Variants in AGBL1 observed in about 807,000 individuals in gnomAD.
AGBL1 encodes AGBL carboxypeptidase 1.
A neutral mutation model predicts 118.9 loss-of-function variants in AGBL1; 130 were observed. The observed-to-expected ratio is 1.09, with a 90% confidence interval of 0.95 to 1.26. The LOEUF (loss-of-function observed/expected upper bound fraction) is 1.26. Ranked by LOEUF, AGBL1 falls within the 50% of genes most tolerant of loss-of-function variation. The pLI, the probability that AGBL1 is intolerant of heterozygous loss-of-function variation, is 0.00. For missense variants in AGBL1, 1,584 were observed against 1,298.1 expected (o/e 1.22, Z -3.38); for synonymous variants, 555 against 478.9 (o/e 1.16, Z -2.08).
chr15:86,980,243 A>G (rs553906250), intron 23 of AGBL1, among the ~76,000 whole-genome samples: 35 of 152,184 alleles, frequency 2.3e-4, no homozygotes, highest in Non-Finnish European at 4.7e-4. Context: ...CAAGAATTTC[A>G]CCACCTGTTT....
At chr15:86,474,311 A>G (rs1356163761) in intron 18 of AGBL1, among the ~76,000 whole-genome samples, 1 of 152,176 alleles carries the variant, frequency 6.6e-6, no homozygotes, top group Non-Finnish European at 1.5e-5. Context: ...GGGGTCAAGG[A>G]ATTCCCTTTC....
At chr15:86,951,676 C>G (rs780547534) in intron 23 of AGBL1, among the ~76,000 whole-genome samples, 1 of 152,134 alleles carries the variant, frequency 6.6e-6, no homozygotes. Flanking sequence ...CAAAGGGAAA[C>G]TTTTGGAATG....
rs548624075 is a variant in AGBL1, at chr15:86,584,810, A to T, written c.2994+30273A>T. On this transcript the variant is annotated intron_variant, in intron 21 of 22. Transcript: ENST00000614907. Reference sequence around the variant, plus strand: ...TTAACAATATTGATTCTTCCAATCCATGAGTATGGAATGTTTTCCCATTTG... The same window carrying T: ...TTAACAATATTGATTCTTCCAATCCTTGAGTATGGAATGTTTTCCCATTTG... Among the ~76,000 whole-genome samples, 115 of 152,314 alleles carry T rather than the reference A, an allele frequency of 7.6e-4. 1 individual carries two copies. The highest frequency in any genetic ancestry group is 1.5e-3 in the Non-Finnish European group (104 of 68,022).
chr15:86,982,401 A>G (rs1481925999), intron 23 of AGBL1, among the ~76,000 whole-genome samples: 4 of 137,828 alleles, frequency 2.9e-5, no homozygotes, highest in African/African-American at 1.1e-4. Flanking sequence ...ATTTTCTTTT[A>G]TCTTGTTTTT....
intron 23 of AGBL1, among the ~76,000 whole-genome samples, chr15:86,929,556 CT>C (rs1036201041): frequency 6.6e-5 from 10 of 151,988 alleles, no homozygotes; most frequent in Admixed American, 3.9e-4. Flanking sequence ...AATACTAATG[CT>C]CTGGAATGAA....
intron 18 of AGBL1, among the ~76,000 whole-genome samples, chr15:86,448,336 T>C (rs1441063215): frequency 2.6e-5 from 4 of 152,074 alleles, no homozygotes; most frequent in African/African-American, 7.2e-5. Context: ...GTAACTCCTG[T>C]GACAAAAGGG....
At chr15:86,978,789 C>A (rs1185454143) in intron 23 of AGBL1, among the ~76,000 whole-genome samples, 1 of 152,124 alleles carries the variant, frequency 6.6e-6, no homozygotes, top group Non-Finnish European at 1.5e-5. Context: ...CTCAGACTGG[C>A]AAGATATGGA....
intron 18 of AGBL1, among the ~76,000 whole-genome samples, chr15:86,421,073 A>G (rs983921472): frequency 6.6e-6 from 1 of 152,194 alleles, no homozygotes; most frequent in Non-Finnish European, 1.5e-5. Context: ...CAACCTAGCA[A>G]AACAGGCCAA....
chr15:86,338,768 T>C (rs1718515397), intron 17 of AGBL1, among the ~76,000 whole-genome samples: 1 of 152,134 alleles, frequency 6.6e-6, no homozygotes, highest in Admixed American at 6.5e-5. Context: ...TAGAGACTGT[T>C]CTCAGTCATC....
At chr15:86,104,437 T>G (rs1896914749) in intron 1 of AGBL1, among the ~76,000 whole-genome samples, 2 of 152,182 alleles carry the variant, frequency 1.3e-5, no homozygotes, top group Non-Finnish European at 2.9e-5. Context: ...TGTCCTCAGG[T>G]CACTTGTAAG....
At chr15:86,894,672 A>G (rs2080097327) in intron 22 of AGBL1, among the ~76,000 whole-genome samples, 1 of 152,208 alleles carries the variant, frequency 6.6e-6, no homozygotes, top group Admixed American at 6.5e-5. Flanking sequence ...GCACAAAGGC[A>G]GTACAAGGAG....
At chr15:86,746,868 C>A (rs2077764229) in intron 22 of AGBL1, among the ~76,000 whole-genome samples, 1 of 152,014 alleles carries the variant, frequency 6.6e-6, no homozygotes, top group Admixed American at 6.6e-5. Context: ...GATAAATATT[C>A]TATGTAAACA....
intron 5 of AGBL1, among the ~76,000 whole-genome samples, chr15:86,219,123 C>G (rs554040523): frequency 2.0e-5 from 3 of 152,174 alleles, no homozygotes; most frequent in Non-Finnish European, 4.4e-5. Context: ...TCCATGTACC[C>G]AGGGATAGGA....
chr15:86,888,258 G>A lies in AGBL1; in HGVS notation c.3159-18829G>A, dbSNP rs562276977. Reference sequence around the variant, plus strand: ...CCCGGTGATGGGTCTGATTGTATCAGAAGTGACCTGGCCAGCACCACTCAC... The same window carrying A: ...CCCGGTGATGGGTCTGATTGTATCAAAAGTGACCTGGCCAGCACCACTCAC... On this transcript the variant is annotated intron_variant, in intron 22 of 22. Transcript: ENST00000614907. 7.2e-5 allele frequency among the ~76,000 whole-genome samples: 11 copies of A among 151,912 alleles called. No individual in the cohort carries two copies. In the South Asian group the frequency reaches 2.3e-3, roughly 32 times the overall value.
At chr15:86,653,899 C>A (rs1267123049) in intron 21 of AGBL1, among the ~76,000 whole-genome samples, 1 of 152,010 alleles carries the variant, frequency 6.6e-6, no homozygotes, top group Non-Finnish European at 1.5e-5. Flanking sequence ...AGTGTGTTTT[C>A]CAACTCTCAA....
chr15:86,429,371 A>G (rs188939552), intron 18 of AGBL1, among the ~76,000 whole-genome samples: 18 of 152,364 alleles, frequency 1.2e-4, no homozygotes, highest in Admixed American at 5.9e-4. Context: ...ACTCCACCTT[A>G]GCAACATGGA....
chr15:86,371,885 G>A (rs2080976344), intron 17 of AGBL1, among the ~76,000 whole-genome samples: 1 of 152,196 alleles, frequency 6.6e-6, no homozygotes, highest in Admixed American at 6.5e-5. Context: ...GCTTGTAGGG[G>A]GGAGGTGAGG....
At chr15:86,904,554 T>A (rs1173728741) in intron 22 of AGBL1, among the ~76,000 whole-genome samples, 1 of 148,112 alleles carries the variant, frequency 6.8e-6, no homozygotes, top group African/African-American at 2.4e-5. Context: ...TATAACATAT[T>A]ATGTTACATA....
intron 18 of AGBL1, among the ~76,000 whole-genome samples, chr15:86,433,182 A>C (rs1442660464): frequency 2.0e-5 from 3 of 150,556 alleles, no homozygotes; most frequent in Non-Finnish European, 4.4e-5. Flanking sequence ...GTCTGAATAA[A>C]TTCCTAGAAG....
Sources: allele counts gnomAD v4.1 joint callset (sites outside exome capture counted in the v4.1 genomes callset), GRCh38; gene constraint gnomAD v4.1.1; transcripts MANE v1.5; gene names NCBI Gene and HGNC (gene_info 2026-07-23, HGNC 2026-07-21).